EVC: variants seen among roughly 807,000 people sequenced by gnomAD.
EVC encodes evC complex member EVC.
Under a neutral mutation model 118.9 loss-of-function variants are expected in EVC, and 116 were observed. The observed-to-expected ratio is 0.98, with a 90% CI of 0.84 to 1.14. The LOEUF (loss-of-function observed/expected upper bound fraction) is 1.14, where lower values mean the gene tolerates loss of function less well. Among genes scored for constraint, EVC ranks in the 50% most tolerant of loss-of-function variants. The pLI is 0.00. For synonymous variants in EVC, 619 were observed against 534.7 expected (o/e 1.16, Z -2.18); for missense variants, 1,401 against 1,246.4 (o/e 1.12, Z -1.87).
At position 5,741,700 on chromosome 4, in the gene EVC, C is replaced by T. The variant is rs779352632; in HGVS notation, c.703-16C>T. 2 of 1,470,806 alleles carry T rather than the reference C, an allele frequency of 1.4e-6. No homozygotes were observed. Among genetic ancestry groups the T allele is most frequent in the Admixed American group, 3.4e-5 (2 of 59,376 alleles). The allele number at this position is 1,470,806 out of a possible 1,614,324, so 91.1% of individuals were successfully genotyped here. A position where few individuals can be genotyped will look rare whatever the true frequency, so the allele number is the denominator to read the frequency against. ...ATTAAACTTTTCTTTTGTTATCTTTCCTTTCTTGGCAATAGATGTTTATTC... is the reference window on the plus strand; with the variant it reads ...ATTAAACTTTTCTTTTGTTATCTTTTCTTTCTTGGCAATAGATGTTTATTC... On this transcript the variant is annotated splice_polypyrimidine_tract_variant and intron_variant, in intron 5 of 20. Coordinates refer to ENST00000264956, the MANE Select transcript of EVC (RefSeq NM_153717.3).
the EVC span, chr4:5,828,279 G>GC: frequency 1.0e-6 from 1 of 985,252 alleles, no homozygotes; most frequent in East Asian, 1.1e-4. Context: ...AGTTTGCAAA[G>GC]CCCTGGAACT....
chr4:5,720,832 G>C (rs920432775), intron 2 of EVC, among the ~76,000 whole-genome samples: 2 of 152,196 alleles, frequency 1.3e-5, no homozygotes, highest in African/African-American at 2.4e-5. Context: ...CATCTGCTAG[G>C]TGTAGCTAAA....
intron 11 of EVC, among the ~76,000 whole-genome samples, chr4:5,763,766 T>C (rs1229636547): frequency 1.8e-5 from 2 of 109,596 alleles, no homozygotes; most frequent in African/African-American, 7.8e-5. Flanking sequence ...CCTGAGACTT[T>C]GCTGAAGTTG....
Position 5,723,084 on chromosome 4 carries a change from C to T in EVC, c.300+3711C>T, listed in dbSNP as rs1274813195. Among the ~76,000 whole-genome samples the T allele has an allele frequency of 2.0e-5, 3 of 152,188 alleles. No individual in the cohort carries two copies. The East Asian group carries it at 5.8e-4, about 29-fold the overall frequency. ...TGCAGGTAGACAGATCAGGTGGAGC[C>T]TTCCTGCCAGCTGGGATGTGTTTCT... On this transcript the variant is annotated intron_variant, in intron 2 of 20. Coordinates refer to ENST00000264956, the MANE Select transcript of EVC (RefSeq NM_153717.3).
rs1577439692 is a variant in EVC at position 5,752,886 on chromosome 4, G to A, written c.1149G>A (p.Glu383=). The A allele has an allele frequency of 6.2e-7, 1 of 1,614,122 alleles. No individual in the cohort carries two copies. The highest frequency in any genetic ancestry group is 8.5e-7 in the Non-Finnish European group (1 of 1,180,044). ...MGRAHMAKVI[E]FLKLQVQEET... ...GGGCGCACATGGCAAAAGTGATTGA[G>A]TTTCTGAAGCTGCAAGTCCAGGAGG... Residue 383 remains glutamate (E), a synonymous_variant, in exon 9 of 21, where the codon GAG becomes GAA. Coordinates refer to ENST00000264956, the MANE Select transcript of EVC (RefSeq NM_153717.3).
At chr4:5,783,140 A>T (rs138873703) in intron 11 of EVC, among the ~76,000 whole-genome samples, 1 of 151,414 alleles carries the variant, frequency 6.6e-6, no homozygotes, top group Admixed American at 6.6e-5. Flanking sequence ...GTATGAGTCT[A>T]TGTGTGATTC....
At chr4:5,774,697 G>A (rs1734462982) in intron 11 of EVC, among the ~76,000 whole-genome samples, 2 of 152,122 alleles carry the variant, frequency 1.3e-5, no homozygotes, top group Non-Finnish European at 2.9e-5. Context: ...TGGGCTGTGT[G>A]TGCTTCTGTT....
intron 4 of EVC, 139 bp from the exon 5 acceptor site, chr4:5,733,212 T>C (rs1727124154): frequency 2.6e-6 from 2 of 759,412 alleles, no homozygotes. Context: ...GGAGTGAGCG[T>C]AAGGACCTCA....
chr4:5,741,579 C>A, intron 5 of EVC, 137 bp from the exon 6 acceptor site: 1 of 599,202 alleles, frequency 1.7e-6, no homozygotes, highest in South Asian at 1.9e-5. Flanking sequence ...AAAAAATATA[C>A]GTGAAGAGAG....
chr4:5,733,444 A>T lies in EVC; in HGVS notation c.702+9A>T, dbSNP rs1415648336. 1 of 1,611,584 alleles carries T rather than the reference A, an allele frequency of 6.2e-7. No individual in the cohort carries two copies. Among genetic ancestry groups the T allele is most frequent in the Non-Finnish European group, 8.5e-7 (1 of 1,177,752 alleles). ...GGCAGGAAAAGCATATGGTAGGTGG[A>T]GATGTTCGCATTCCCTCCTTTTCAT... On this transcript the variant is annotated intron_variant, in intron 5 of 20. Coordinates refer to ENST00000264956, the MANE Select transcript of EVC (RefSeq NM_153717.3).
intron 2 of EVC, among the ~76,000 whole-genome samples, chr4:5,724,818 G>T (rs1418280210): frequency 6.6e-5 from 10 of 151,862 alleles, no homozygotes; most frequent in African/African-American, 2.4e-4. Flanking sequence ...GTGGTTTGCT[G>T]CTTAACCTAG....
chr4:5,759,783 A>C (rs1731722132), intron 11 of EVC, among the ~76,000 whole-genome samples: 1 of 152,222 alleles, frequency 6.6e-6, no homozygotes, highest in African/African-American at 2.4e-5. Context: ...TTCATTTAGA[A>C]AGTTTATTTT....
chr4:5,750,006 T>C (rs1272556174), intron 8 of EVC, among the ~76,000 whole-genome samples: 2 of 152,144 alleles, frequency 1.3e-5, no homozygotes, highest in Non-Finnish European at 2.9e-5. Context: ...TCCACACAGT[T>C]GTTTGAGAAC....
rs1716930751 is a variant in EVC at position 5,811,723 on chromosome 4, G to A, written c.*686G>A. On this transcript the variant is annotated 3_prime_UTR_variant, in exon 21 of 21. Transcript: ENST00000264956. ...AGGAGGGGCCTTTCCCACCTGGAGA[G>A]AAACTTCCAGACCAGCCCCTCATAC... 1 of 152,962 alleles carries A rather than the reference G, an allele frequency of 6.5e-6. No homozygotes were observed. The allele number at this position is 152,962 out of a possible 1,614,324, so 9.5% of individuals were successfully genotyped here.
Position 5,748,603 on chromosome 4 carries a change from C to T in EVC, c.1098+297C>T, listed in dbSNP as rs13116942. On this transcript the variant is annotated intron_variant, in intron 8 of 20. Transcript: ENST00000264956. ...ATCCACCCATCCATCCATCCATCCA[C>T]CCATCCATCCACCCACCCATCCATC... Among the ~76,000 whole-genome samples the T allele has an allele frequency of 0.06, 6,995 of 116,340 alleles. 901 individuals carry two copies. The highest frequency in any genetic ancestry group is 0.15 in the African/African-American group (4,320 of 28,320). 76.3% of individuals were successfully genotyped at this position (116,340 alleles called of 152,430 possible). A position where few individuals can be genotyped will look rare whatever the true frequency, so the allele number is the denominator to read the frequency against.
chr4:5,729,089 C>T lies in EVC; in HGVS notation c.301-218C>T, dbSNP rs144757429. Reference sequence around the variant, plus strand: ...CTATCCATCTGCCCACCCACCCATTCATTCACCCATCCATCCATCTATCCA... The same window carrying T: ...CTATCCATCTGCCCACCCACCCATTTATTCACCCATCCATCCATCTATCCA... On this transcript the variant is annotated intron_variant, in intron 2 of 20. Transcript: ENST00000264956. Among the ~76,000 whole-genome samples the T allele has an allele frequency of 7.2e-3, 1,096 of 152,192 alleles. 8 individuals carry two copies. Among genetic ancestry groups the T allele is most frequent in the Non-Finnish European group, 0.013 (884 of 68,000 alleles).
chr4:5,742,676 T>C lies in EVC; in HGVS notation c.801+862T>C, dbSNP rs558002215. Among the ~76,000 whole-genome samples, 20 of 152,316 alleles carry C rather than the reference T, an allele frequency of 1.3e-4. No individual in the cohort carries two copies. The highest frequency in any genetic ancestry group is 1.9e-4 in the Non-Finnish European group (13 of 68,034). On this transcript the variant is annotated intron_variant, in intron 6 of 20. Transcript: ENST00000264956. The surrounding 1 kb of genome is among the most constrained non-coding windows in gnomAD (Gnocchi z 5.2). ...ATCATGAGCATCATTTTTATCATTG[T>C]TGTAATTATTGGCATTCTCATTACT...
In EVC at chr4:5,783,801, A is replaced by G. The variant is rs188237830; in HGVS notation, c.1776+37A>G. On this transcript the variant is annotated intron_variant, in intron 12 of 20. Coordinates refer to ENST00000264956, the MANE Select transcript of EVC (RefSeq NM_153717.3). The stretch of plus-strand genomic sequence containing the variant: ...TGGGAACCCAGGGGCTGGGGTCTGC[A>G]TTTTAGAAACACACGAAGAAGCGTG... 421 of 1,559,064 alleles carry G rather than the reference A, an allele frequency of 2.7e-4. 5 individuals are homozygous for G. In the East Asian group the frequency reaches 8.6e-3, roughly 32 times the overall value.
At chr4:5,790,471 C>T (rs1577589249) in intron 12 of EVC, among the ~76,000 whole-genome samples, 1 of 152,128 alleles carries the variant, frequency 6.6e-6, no homozygotes, top group African/African-American at 2.4e-5. Flanking sequence ...AGAGGTACAG[C>T]CTTTTACAAA....
Sources: allele counts gnomAD v4.1 joint callset (sites outside exome capture counted in the v4.1 genomes callset), GRCh38; gene constraint gnomAD v4.1.1; non-coding constraint Gnocchi (gnomAD v3.1); transcripts MANE v1.5; gene names NCBI Gene and HGNC (gene_info 2026-07-23, HGNC 2026-07-21).